Variants in GLIS3 observed in about 807,000 individuals in gnomAD.
GLIS3 encodes the protein GLIS family zinc finger 3, also known as zinc finger protein GLIS3.
In GLIS3, 53 loss-of-function variants were observed where a neutral mutation model predicts 78.6. The ratio of observed to expected loss-of-function variants is 0.67; its 90% CI spans 0.54 to 0.85. GLIS3 has a LOEUF of 0.85. Among genes scored for constraint, GLIS3 ranks in the 40% least tolerant of loss-of-function variants. The pLI is 0.00. For missense variants in GLIS3, 1,703 were observed against 1,231.1 expected (o/e 1.38, Z -5.74); for synonymous variants, 684 against 509.9 (o/e 1.34, Z -4.60).
At chr9:4,175,533 G>A (rs1382110629) in intron 2 of GLIS3, among the ~76,000 whole-genome samples, 2 of 152,086 alleles carry the variant, frequency 1.3e-5, no homozygotes, top group East Asian at 1.9e-4. Flanking sequence ...AAACACACAC[G>A]AGGTTCTTAA....
chr9:4,474,576 A>G, the GLIS3 span, among the ~76,000 whole-genome samples: 2 of 152,250 alleles, frequency 1.3e-5, no homozygotes, highest in African/African-American at 2.4e-5. Flanking sequence ...GATTGAAATG[A>G]AAGAAGCAAA....
chr9:4,159,833 G>T (rs541497084), intron 2 of GLIS3, among the ~76,000 whole-genome samples: 3 of 152,286 alleles, frequency 2.0e-5, no homozygotes, highest in Admixed American at 6.5e-5. Context: ...ATACATTCAG[G>T]AGAGAAGAGC....
At chr9:3,846,120 G>C (rs1338371616) in intron 9 of GLIS3, among the ~76,000 whole-genome samples, 1 of 152,188 alleles carries the variant, frequency 6.6e-6, no homozygotes, top group Non-Finnish European at 1.5e-5. Flanking sequence ...CAGTTGGTGG[G>C]AAATGACTTC....
chr9:4,100,622 A>G (rs149215434), intron 4 of GLIS3, among the ~76,000 whole-genome samples: 229 of 152,312 alleles, frequency 1.5e-3, no homozygotes, highest in Non-Finnish European at 2.9e-3. Context: ...TAACCAAAGG[A>G]ATAAACCAGT....
At chr9:4,309,314 T>C in intron 3 of GLIS3, among the ~76,000 whole-genome samples, 2 of 152,320 alleles carry the variant, frequency 1.3e-5, no homozygotes, top group Middle Eastern at 3.4e-3. Flanking sequence ...AACCTGTCAT[T>C]AAAATTAAGA....
chr9:3,911,352 A>G (rs528801088), intron 6 of GLIS3, among the ~76,000 whole-genome samples: 1 of 152,302 alleles, frequency 6.6e-6, no homozygotes, highest in East Asian at 1.9e-4. Context: ...CTGGGAGGCT[A>G]CCTTTCTAAA....
At chr9:4,228,041 A>G (rs1471355203) in intron 2 of GLIS3, among the ~76,000 whole-genome samples, 1 of 152,152 alleles carries the variant, frequency 6.6e-6, no homozygotes, top group Non-Finnish European at 1.5e-5. Context: ...AACCAGGAGA[A>G]TTTCTCCCCA....
chr9:4,421,508 C>T, the GLIS3 span, among the ~76,000 whole-genome samples: 6 of 152,174 alleles, frequency 3.9e-5, no homozygotes, highest in African/African-American at 4.8e-5. Flanking sequence ...TCAGGTTTAG[C>T]GGCGTTTCAT....
At chr9:4,306,666 A>T (rs1282223342) in intron 4 of GLIS3, among the ~76,000 whole-genome samples, 1 of 152,240 alleles carries the variant, frequency 6.6e-6, no homozygotes, top group Non-Finnish European at 1.5e-5. Context: ...AAGGAATCAT[A>T]GAGAAATGTC....
intron 2 of GLIS3, among the ~76,000 whole-genome samples, chr9:4,279,684 G>A (rs1009405465): frequency 5.8e-5 from 5 of 86,194 alleles, no homozygotes; most frequent in African/African-American, 1.4e-4. Flanking sequence ...TTAGATTAGA[G>A]CTTGTTTGGT....
intron 4 of GLIS3, among the ~76,000 whole-genome samples, chr9:4,085,730 C>G (rs7020394): frequency 0.45 from 68,129 of 151,868 alleles, 15,254 homozygotes; most frequent in African/African-American, 0.47. Context: ...TCGCAATAGT[C>G]AGTGAATTCT....
chr9:3,977,015 T>A lies in GLIS3; in HGVS notation c.1711-39826A>T, dbSNP rs1818860772. ...ATGGCTCCTGCTAGTTAAAAAAAAA[T>A]TAGCTAAAATTTCAGATAACGCAGC... On this transcript the variant is annotated intron_variant, in intron 4 of 10. Transcript: ENST00000381971. This position sits in a 1 kb window ranked among gnomAD's most constrained non-coding sequence, Gnocchi z 4.1. Among the ~76,000 whole-genome samples the A allele has an allele frequency of 6.6e-6, 1 of 151,764 alleles. No homozygotes were observed. The highest frequency in any genetic ancestry group is 6.6e-5 in the Admixed American group (1 of 15,222).
At chr9:4,029,843 G>C (rs566427770) in intron 4 of GLIS3, among the ~76,000 whole-genome samples, 1 of 152,114 alleles carries the variant, frequency 6.6e-6, no homozygotes, top group Admixed American at 6.6e-5. Flanking sequence ...CCATTCATCC[G>C]TTGATGGACA....
chr9:4,451,050 T>G, the GLIS3 span, among the ~76,000 whole-genome samples: 1 of 152,222 alleles, frequency 6.6e-6, no homozygotes, highest in East Asian at 1.9e-4. Context: ...AGGCAAGTAC[T>G]GGCATATTGG....
At chr9:3,863,112 G>A (rs369234951) in intron 8 of GLIS3, among the ~76,000 whole-genome samples, 28 of 152,230 alleles carry the variant, frequency 1.8e-4, no homozygotes, top group East Asian at 7.7e-4. Context: ...AAAAAACCCC[G>A]CAATGATAAT....
intron 4 of GLIS3, among the ~76,000 whole-genome samples, chr9:4,007,903 G>A (rs55716712): frequency 6.8e-6 from 1 of 147,862 alleles, no homozygotes; most frequent in Admixed American, 6.8e-5. Flanking sequence ...GCGTTGGGGG[G>A]GGGGGGTTAC....
chr9:4,053,861 T>G (rs1476524612), intron 4 of GLIS3, among the ~76,000 whole-genome samples: 1 of 152,220 alleles, frequency 6.6e-6, no homozygotes. Flanking sequence ...CCTTTCTTTA[T>G]GTTGCACAGA....
chr9:4,120,516 T>C (rs188297390), intron 3 of GLIS3, among the ~76,000 whole-genome samples: 1 of 152,190 alleles, frequency 6.6e-6, no homozygotes, highest in Non-Finnish European at 1.5e-5. Context: ...CCCAGCACAC[T>C]TGCAGCATGT....
At chr9:4,240,610 T>C (rs571340624) in intron 2 of GLIS3, among the ~76,000 whole-genome samples, 1 of 152,144 alleles carries the variant, frequency 6.6e-6, no homozygotes, top group Non-Finnish European at 1.5e-5. Context: ...ATAATCAATA[T>C]AAATTAGCCT....
Sources: allele counts gnomAD v4.1 joint callset (sites outside exome capture counted in the v4.1 genomes callset), GRCh38; gene constraint gnomAD v4.1.1; non-coding constraint Gnocchi (gnomAD v3.1); transcripts MANE v1.5; gene names NCBI Gene and HGNC (gene_info 2026-07-23, HGNC 2026-07-21).